The following BCL2L13 variants were observed in gnomAD, a reference collection of about 807,000 sequenced individuals.
The protein encoded by BCL2L13 is BCL2 like 13.
Under a neutral mutation model 25.8 loss-of-function variants are expected in BCL2L13, and 13 were observed. The ratio of observed to expected loss-of-function variants is 0.50; its 90% CI spans 0.33 to 0.80. The LOEUF is 0.80. BCL2L13 is among the 30% of genes least tolerant of loss of function. BCL2L13 has a pLI of 0.02. For synonymous variants in BCL2L13, 244 were observed against 230.3 expected (o/e 1.06, Z -0.54); for missense variants, 504 against 574.9 (o/e 0.88, Z 1.26).
At chr22:17,668,239 C>T (rs564205326) in intron 2 of BCL2L13, among the ~76,000 whole-genome samples, 3 of 151,636 alleles carry the variant, frequency 2.0e-5, no homozygotes, top group East Asian at 2.0e-4. Flanking sequence ...TCTTGAACTC[C>T]TGACCTCAGA....
chr22:17,641,636 A>G lies in BCL2L13; in HGVS notation c.-51+2750A>G, dbSNP rs182638405. 1.7e-3 allele frequency among the ~76,000 whole-genome samples: 257 copies of G among 152,116 alleles called. 7 individuals carry two copies. The highest frequency in any genetic ancestry group is 9.1e-4 in the Non-Finnish European group (62 of 67,992). ...TTCACAGAGTTGTGCACCCACCACC[A>G]CAATCATTTTCATCACCTCAAAAAG... On this transcript the variant is annotated intron_variant, in intron 1 of 6. Transcript: ENST00000317582.
chr22:17,723,952 C>T (rs1288692379), intron 6 of BCL2L13, among the ~76,000 whole-genome samples: 1 of 149,728 alleles, frequency 6.7e-6, no homozygotes. Context: ...CAAAAAAAAA[C>T]AAAAAACAAA....
intron 2 of BCL2L13, among the ~76,000 whole-genome samples, chr22:17,671,871 G>A (rs1043686477): frequency 2.6e-5 from 4 of 152,018 alleles, no homozygotes; most frequent in African/African-American, 9.7e-5. Flanking sequence ...GCGCCATCAC[G>A]CCCAGCCAAT....
intron 6 of BCL2L13, among the ~76,000 whole-genome samples, chr22:17,712,754 C>T (rs148719850): frequency 2.6e-5 from 4 of 152,270 alleles, no homozygotes; most frequent in East Asian, 3.9e-4. Context: ...GGTTCTCCTC[C>T]GTCTTGGACC....
chr22:17,698,931 C>T (rs1056395681), intron 5 of BCL2L13, among the ~76,000 whole-genome samples: 8 of 152,164 alleles, frequency 5.3e-5, no homozygotes, highest in African/African-American at 1.7e-4. Context: ...GACTTATCCT[C>T]CCTCTTTTTT....
intron 2 of BCL2L13, among the ~76,000 whole-genome samples, chr22:17,667,252 A>C (rs1470210957): frequency 1.3e-5 from 2 of 151,832 alleles, no homozygotes; most frequent in Non-Finnish European, 2.9e-5. Flanking sequence ...GCTCACTGCA[A>C]CCTACGCCTC....
rs2058833008 is a variant in BCL2L13 at position 17,655,726 on chromosome 22, T to A, written c.15T>A (p.Ser5=). Residue 5 remains serine, a synonymous_variant, in exon 2 of 7, where the codon TCT becomes TCA. Transcript: ENST00000317582. MASS[S]TVPLGFHYET... is the part of the protein sequence containing the mutation. ...CAGCCAATTCAATGGCGTCCTCTTC[T>A]ACTGTGCCTCTGGGATTTCACTATG... 1 of 1,613,172 alleles carries A rather than the reference T, an allele frequency of 6.2e-7. No homozygotes were observed. Among genetic ancestry groups the A allele is most frequent in the African/African-American group, 1.3e-5 (1 of 74,922 alleles).
chr22:17,706,917 G>T, intron 6 of BCL2L13: 1 of 993,230 alleles, frequency 1.0e-6, no homozygotes, highest in South Asian at 1.2e-5. Flanking sequence ...TTACTGGAGG[G>T]AATGTCATCT....
chr22:17,712,817 T>G lies in BCL2L13; in HGVS notation c.600+10431T>G, dbSNP rs117596310. ...TGTTTCCCTAAGTAAACAGTAGCTA[T>G]TTTAATTCATGTTGCCTACTGTCAT... On this transcript the variant is annotated intron_variant, in intron 6 of 6. Coordinates refer to ENST00000317582, the MANE Select transcript of BCL2L13 (RefSeq NM_015367.4). Among the ~76,000 whole-genome samples the G allele has an allele frequency of 2.2e-3, 337 of 152,356 alleles. 7 individuals are homozygous for G. The East Asian group carries it at 0.048, about 22-fold the overall frequency.
intron 6 of BCL2L13, among the ~76,000 whole-genome samples, chr22:17,719,827 CAAAAAAAAAAAAAAA>C (rs60474373): frequency 0.23 from 20,978 of 91,200 alleles, 2,156 homozygotes; most frequent in Non-Finnish European, 0.32. Context: ...GACTCCATCT[CAAAAAAAAAAAAAAA>C]AAAAAAAAGA....
intron 1 of BCL2L13, among the ~76,000 whole-genome samples, chr22:17,652,033 C>T (rs894908927): frequency 1.3e-5 from 2 of 152,074 alleles, no homozygotes; most frequent in Non-Finnish European, 2.9e-5. Flanking sequence ...GTATCACTAC[C>T]TGGATGACCT....
chr22:17,639,623 G>A lies in BCL2L13; in HGVS notation c.-51+737G>A, dbSNP rs140495059. Among the ~76,000 whole-genome samples the A allele has an allele frequency of 4.6e-5, 7 of 152,286 alleles. No individual in the cohort carries two copies. The East Asian group carries it at 1.4e-3, about 29-fold the overall frequency. ...GCTCTTAGCCACTCCCTGCACAAGT[G>A]TTTGTTTATTCAAAATAGCTATCTC... On this transcript the variant is annotated intron_variant, in intron 1 of 6. Transcript: ENST00000317582.
chr22:17,671,514 T>A (rs2059419027), intron 2 of BCL2L13, among the ~76,000 whole-genome samples: 1 of 150,814 alleles, frequency 6.6e-6, no homozygotes, highest in African/African-American at 2.4e-5. Context: ...TTGAAGTGAG[T>A]TGAGATCGCG....
intron 2 of BCL2L13, among the ~76,000 whole-genome samples, chr22:17,681,807 T>C (rs2059764313): frequency 6.6e-6 from 1 of 152,170 alleles, no homozygotes; most frequent in African/African-American, 2.4e-5. Flanking sequence ...ACCCTGAAAG[T>C]TGACTGCCTG....
At chr22:17,708,390 A>T (rs1334469172) in intron 6 of BCL2L13, among the ~76,000 whole-genome samples, 1 of 152,216 alleles carries the variant, frequency 6.6e-6, no homozygotes, top group Non-Finnish European at 1.5e-5. Flanking sequence ...CTTGAATCCC[A>T]GCTTTATTAC....
chr22:17,672,802 G>A (rs1384698219), intron 2 of BCL2L13, among the ~76,000 whole-genome samples: 2 of 152,212 alleles, frequency 1.3e-5, no homozygotes, highest in African/African-American at 2.4e-5. Context: ...CTGGTGGGGT[G>A]AGGCATATGG....
chr22:17,692,081 C>T (rs892703937), intron 4 of BCL2L13, among the ~76,000 whole-genome samples: 3 of 152,196 alleles, frequency 2.0e-5, no homozygotes, highest in Non-Finnish European at 2.9e-5. Flanking sequence ...AAGGCAGTAT[C>T]GTAAGGTAGA....
chr22:17,724,754 G>A, intron 6 of BCL2L13, among the ~76,000 whole-genome samples: 1 of 152,218 alleles, frequency 6.6e-6, no homozygotes, highest in Non-Finnish European at 1.5e-5. Context: ...ATTCCATTCA[G>A]ATTCCCTGTA....
In BCL2L13 at chr22:17,679,264, C is replaced by CT. The variant is rs3044588; in HGVS notation, c.122-3926dup. ...GCTGCATATGTCAATTGGTTTGGCT[C>CT]TTTTTTTTTTTTTTTTTTTTTTTTG... On this transcript the variant is annotated intron_variant, in intron 2 of 6. Transcript: ENST00000317582. Among the ~76,000 whole-genome samples, 524 of 76,058 alleles carry CT rather than the reference C, an allele frequency of 6.9e-3. 7 individuals carry two copies. Among genetic ancestry groups the CT allele is most frequent in the South Asian group, 0.025 (49 of 1,954 alleles). 49.9% of individuals were successfully genotyped at this position (76,058 alleles called of 152,430 possible).
Sources: allele counts gnomAD v4.1 joint callset (sites outside exome capture counted in the v4.1 genomes callset), GRCh38; gene constraint gnomAD v4.1.1; transcripts MANE v1.5; gene names NCBI Gene and HGNC (gene_info 2026-07-23, HGNC 2026-07-21).